The following LRP1B variants were observed in gnomAD, a reference collection of about 807,000 sequenced individuals.
The protein encoded by LRP1B is low-density lipoprotein receptor-related protein 1B.
In LRP1B, 217 loss-of-function variants were observed where a neutral mutation model predicts 556.6. The observed-to-expected ratio is 0.39, with a 90% confidence interval of 0.35 to 0.44. LRP1B has a LOEUF of 0.44. LRP1B is among the 20% of genes least tolerant of loss of function. The pLI is 1.00. For synonymous variants in LRP1B, 2,047 were observed against 1,865.8 expected (o/e 1.10, Z -2.50); for missense variants, 5,053 against 5,620.8 (o/e 0.90, Z 3.23).
chr2:140,962,026 T>G (rs1213618245), intron 18 of LRP1B, among the ~76,000 whole-genome samples: 1 of 152,174 alleles, frequency 6.6e-6, no homozygotes, highest in Non-Finnish European at 1.5e-5. Context: ...TAAGCACCTA[T>G]GTATTATCCG....
chr2:141,633,191 AAAG>A (rs2105351975), intron 2 of LRP1B, among the ~76,000 whole-genome samples: 1 of 152,242 alleles, frequency 6.6e-6, no homozygotes, highest in Non-Finnish European at 1.5e-5. Context: ...ATAATAACTC[AAAG>A]GAGAAAGCTT....
At chr2:141,044,766 A>G (rs1362009277) in intron 11 of LRP1B, among the ~76,000 whole-genome samples, 1 of 148,584 alleles carries the variant, frequency 6.7e-6, no homozygotes, top group African/African-American at 2.5e-5. Flanking sequence ...AAAGTCAGGA[A>G]ACAACAGGTG....
intron 10 of LRP1B, among the ~76,000 whole-genome samples, chr2:141,053,993 T>C (rs1310055323): frequency 6.6e-6 from 1 of 151,964 alleles, no homozygotes; most frequent in South Asian, 2.1e-4. Context: ...ACATGAGACC[T>C]GTTACCTTCA....
At chr2:141,936,630 A>T (rs969101836) in intron 1 of LRP1B, among the ~76,000 whole-genome samples, 1 of 152,194 alleles carries the variant, frequency 6.6e-6, no homozygotes, top group East Asian at 1.9e-4. Flanking sequence ...ACAAACTAAT[A>T]CGTATGGTAA....
chr2:141,116,738 T>C (rs1415739183), intron 7 of LRP1B, among the ~76,000 whole-genome samples: 2 of 152,106 alleles, frequency 1.3e-5, no homozygotes, highest in African/African-American at 4.8e-5. Flanking sequence ...ATTTTTTTTT[T>C]TCTATAAACT....
At chr2:141,389,875 C>T (rs1031149675) in intron 3 of LRP1B, among the ~76,000 whole-genome samples, 1 of 152,198 alleles carries the variant, frequency 6.6e-6, no homozygotes, top group Admixed American at 6.5e-5. Flanking sequence ...TGAGGTGGCT[C>T]ATGCCTATAA....
At chr2:140,682,566 C>G (rs1470233300) in intron 41 of LRP1B, among the ~76,000 whole-genome samples, 2 of 151,776 alleles carry the variant, frequency 1.3e-5, no homozygotes, top group Non-Finnish European at 1.5e-5. Context: ...AGCAGAGAAG[C>G]TATTAGGGAA....
chr2:140,405,799 C>T (rs1684706687), intron 66 of LRP1B, among the ~76,000 whole-genome samples: 1 of 152,100 alleles, frequency 6.6e-6, no homozygotes, highest in African/African-American at 2.4e-5. Flanking sequence ...TCCTATGAAA[C>T]TACACCAAAA....
At chr2:140,315,888 T>C (rs1434591171) in intron 82 of LRP1B, among the ~76,000 whole-genome samples, 1 of 152,070 alleles carries the variant, frequency 6.6e-6, no homozygotes, top group African/African-American at 2.4e-5. Context: ...AAACTAAAAG[T>C]CATTGAGATT....
intron 33 of LRP1B, among the ~76,000 whole-genome samples, chr2:140,774,156 C>G (rs1268535093): frequency 6.6e-6 from 1 of 152,084 alleles, no homozygotes; most frequent in Non-Finnish European, 1.5e-5. Context: ...TTTACGCTAC[C>G]TGCAGTAATT....
intron 83 of LRP1B, among the ~76,000 whole-genome samples, chr2:140,301,848 AAT>A (rs1332548405): frequency 6.6e-6 from 1 of 151,810 alleles, no homozygotes; most frequent in Admixed American, 6.6e-5. Context: ...TATGTATACT[AAT>A]ATATGAATAT....
At chr2:141,139,713 T>C (rs1048434059) in intron 7 of LRP1B, among the ~76,000 whole-genome samples, 1 of 151,808 alleles carries the variant, frequency 6.6e-6, no homozygotes, top group Non-Finnish European at 1.5e-5. Flanking sequence ...TTGGCAAAGA[T>C]GTAGGGAAAC....
chr2:141,354,641 T>C (rs932792751), intron 3 of LRP1B, among the ~76,000 whole-genome samples: 3 of 152,066 alleles, frequency 2.0e-5, no homozygotes, highest in African/African-American at 7.2e-5. Context: ...AAAAAGTCTG[T>C]TAATATTGGA....
At chr2:141,505,987 C>G (rs544757172) in intron 2 of LRP1B, among the ~76,000 whole-genome samples, 1 of 152,166 alleles carries the variant, frequency 6.6e-6, no homozygotes, top group South Asian at 2.1e-4. Context: ...ATTTCCCTGT[C>G]CGGGAAAGAC....
At chr2:141,964,246 T>A (rs2105060956) in intron 1 of LRP1B, among the ~76,000 whole-genome samples, 1 of 151,078 alleles carries the variant, frequency 6.6e-6, no homozygotes, top group Non-Finnish European at 1.5e-5. Flanking sequence ...AAAAACTACT[T>A]TAATGTTCAT....
chr2:141,595,198 T>G (rs1479880701), intron 2 of LRP1B, among the ~76,000 whole-genome samples: 1 of 152,080 alleles, frequency 6.6e-6, no homozygotes, highest in Non-Finnish European at 1.5e-5. Flanking sequence ...AATGCATTAG[T>G]GAAGTTAAAT....
chr2:140,957,916 G>C (rs913162815), intron 18 of LRP1B, among the ~76,000 whole-genome samples: 3 of 151,512 alleles, frequency 2.0e-5, no homozygotes, highest in African/African-American at 7.2e-5. Flanking sequence ...GACTGTGAGA[G>C]GGGAAAAAAG....
chr2:141,628,848 C>T (rs1427696892), intron 2 of LRP1B, among the ~76,000 whole-genome samples: 2 of 152,026 alleles, frequency 1.3e-5, no homozygotes, highest in Non-Finnish European at 2.9e-5. Context: ...GAGGTCTCAT[C>T]ATTTTGCCCC....
In LRP1B at chr2:140,541,793, T is replaced by C. The variant is rs1258437077; in HGVS notation, c.7373A>G (p.Asn2458Ser). 1 of 1,611,034 alleles carries C rather than the reference T, an allele frequency of 6.2e-7. No homozygotes were observed. Among genetic ancestry groups the C allele is most frequent in the East Asian group, 2.2e-5 (1 of 44,838 alleles). The change falls in exon 44 of 91, where the codon AAT (asparagine) becomes AGT (serine). Residue 2458 changes from asparagine (N) to serine (S), a missense_variant. Around this residue, in one of 5 missense-constraint regions of LRP1B, gnomAD observed 3,619 missense variants for 3,931.9 expected, o/e 0.92. Transcript: ENST00000389484. Reference protein sequence around the residue: ...HQPMGIIAVANDTNSCELSPC... With the variant: ...HQPMGIIAVASDTNSCELSPC... The stretch of plus-strand genomic sequence containing the variant: ...TTATAACTTACAGCTATTGGTGTCA[T>C]TGGCAACAGCTATGATTCCCATTGG...
Sources: gnomAD v4.1 joint callset for allele counts (sites outside exome capture counted in the v4.1 genomes callset) on GRCh38, gnomAD v4.1.1 for gene constraint, gnomAD v4.1.1 regional missense constraint, MANE v1.5 for transcripts, NCBI Gene and HGNC (gene_info 2026-07-23, HGNC 2026-07-21) for gene names.